The following MYLK4 variants were observed in gnomAD, a reference collection of about 807,000 sequenced individuals.
MYLK4 encodes the protein caMLCK like.
A neutral mutation model predicts 48.1 loss-of-function variants in MYLK4; 46 were observed. The ratio of observed to expected loss-of-function variants is 0.96; its 90% CI spans 0.75 to 1.22. MYLK4 has a LOEUF of 1.22. Among genes scored for constraint, MYLK4 ranks in the 50% most tolerant of loss-of-function variants. The pLI, the probability that MYLK4 is intolerant of heterozygous loss-of-function variation, is 0.00. For missense variants in MYLK4, 451 were observed against 486.1 expected, an observed-to-expected ratio of 0.93 and a Z score of 0.68; for synonymous variants, 170 against 180.8, an observed-to-expected ratio of 0.94 and a Z score of 0.48.
intron 2 of MYLK4, among the ~76,000 whole-genome samples, chr6:2,737,803 G>A (rs1275959847): frequency 6.6e-6 from 1 of 151,976 alleles, no homozygotes; most frequent in Non-Finnish European, 1.5e-5. Context: ...GAAAGATATT[G>A]GGTCACAGAC....
At chr6:2,744,598 A>G (rs1029871392) in intron 2 of MYLK4, among the ~76,000 whole-genome samples, 1 of 152,352 alleles carries the variant, frequency 6.6e-6, no homozygotes, top group South Asian at 2.1e-4. Context: ...CACCAACTGC[A>G]ATCAAAATAG....
chr6:2,692,225 A>G (rs1192946100), intron 3 of MYLK4, among the ~76,000 whole-genome samples: 1 of 152,218 alleles, frequency 6.6e-6, no homozygotes, highest in Non-Finnish European at 1.5e-5. Flanking sequence ...CTCTCTGTGC[A>G]TGAAATGTCT....
chr6:2,725,858 G>T (rs1763253474), intron 2 of MYLK4, among the ~76,000 whole-genome samples: 1 of 152,216 alleles, frequency 6.6e-6, no homozygotes, highest in Admixed American at 6.5e-5. Flanking sequence ...ACACGTGAGT[G>T]CCTCTCACTC....
chr6:2,706,738 T>C (rs1325146564), intron 2 of MYLK4, among the ~76,000 whole-genome samples: 1 of 152,172 alleles, frequency 6.6e-6, no homozygotes, highest in Non-Finnish European at 1.5e-5. Context: ...TGCATTTCCA[T>C]AGGAAGCCAC....
upstream of MYLK4, among the ~76,000 whole-genome samples, chr6:2,753,335 C>T (rs576860603): frequency 2.6e-5 from 4 of 152,230 alleles, no homozygotes; most frequent in South Asian, 4.1e-4. Flanking sequence ...TTCTACACAG[C>T]GTTCTGAATG....
intron 2 of MYLK4, among the ~76,000 whole-genome samples, chr6:2,747,304 C>T (rs112726264): frequency 0.023 from 3,519 of 152,190 alleles, 140 homozygotes; most frequent in African/African-American, 0.08. Flanking sequence ...ACAAAAGTAA[C>T]ATCCCTACAT....
the MYLK4 span, chr6:2,766,346 C>G: frequency 6.2e-7 from 1 of 1,610,458 alleles, no homozygotes. Context: ...TTACTTCGGG[C>G]AGAGCAAGGC....
chr6:2,768,984 C>A, the MYLK4 span: 1 of 1,207,890 alleles, frequency 8.3e-7, no homozygotes, highest in Non-Finnish European at 1.1e-6. Flanking sequence ...GCTTTGTTTA[C>A]AAAGAAGCGT....
rs1170788778 is a variant in MYLK4, at chr6:2,678,321, G to T, written c.939C>A (p.Asn313Lys). The change falls in exon 10 of 13, where the codon AAC (asparagine) becomes AAA (lysine). Residue 313 changes from asparagine (N) to lysine (K), a missense_variant. Asn to Lys is a moderately conservative substitution (Grantham distance 94, BLOSUM62 0). Coordinates refer to ENST00000274643, the MANE Select transcript of MYLK4 (RefSeq NM_001012418.5). ...FLGDNDAETLNNILACRWDLE... is the reference protein window; with the variant it reads ...FLGDNDAETLKNILACRWDLE... ...AGTCCCACCTGCAGGCCAGGATGTT[G>T]TTCAGCGTCTCAGCATCATTGTCAC... 3 of 1,613,928 alleles carry T rather than the reference G, an allele frequency of 1.9e-6. No homozygotes were observed. The African/African-American group carries it at 4.0e-5, about 22-fold the overall frequency.
At position 2,719,690 on chromosome 6, in the gene MYLK4, T is replaced by C. The variant is rs190125309; in HGVS notation, c.160-26831A>G. On this transcript the variant is annotated intron_variant, in intron 2 of 12. Coordinates refer to ENST00000274643, the MANE Select transcript of MYLK4 (RefSeq NM_001012418.5). ...AATTCAAGTTCAGGTAGATTACAAG[T>C]CCATTAAAAAAAAAGTATGAAATTT... Among the ~76,000 whole-genome samples, 561 of 152,048 alleles carry C rather than the reference T, an allele frequency of 3.7e-3. 2 individuals are homozygous for C. The highest frequency in any genetic ancestry group is 0.01 in the Middle Eastern group (3 of 292).
At chr6:2,753,915 C>T (rs1764358965), upstream of MYLK4, among the ~76,000 whole-genome samples, 1 of 150,700 alleles carries the variant, frequency 6.6e-6, no homozygotes, top group Admixed American at 6.6e-5. Flanking sequence ...AATCCTAGCA[C>T]TTTGGGAGGC....
Position 2,740,958 on chromosome 6 carries a change from A to T in MYLK4, c.159+8178T>A, listed in dbSNP as rs186313632. On this transcript the variant is annotated intron_variant, in intron 2 of 12. Transcript: ENST00000274643. Reference sequence around the variant, plus strand: ...ACTTTGGGCCACTTCATTGCAAGAGACTTTAGGTGGTTTTAGATCATACAG... The same window carrying T: ...ACTTTGGGCCACTTCATTGCAAGAGTCTTTAGGTGGTTTTAGATCATACAG... Among the ~76,000 whole-genome samples the T allele has an allele frequency of 2.5e-3, 379 of 152,284 alleles. 2 individuals carry two copies. The highest frequency in any genetic ancestry group is 8.7e-3 in the African/African-American group (361 of 41,554).
At chr6:2,700,120 C>T (rs2113210185) in intron 2 of MYLK4, among the ~76,000 whole-genome samples, 1 of 152,292 alleles carries the variant, frequency 6.6e-6, no homozygotes, top group South Asian at 2.1e-4. Context: ...GCCACCTTAC[C>T]TGTCCTCCCC....
chr6:2,768,345 A>G, the MYLK4 span, among the ~76,000 whole-genome samples: 4 of 152,188 alleles, frequency 2.6e-5, no homozygotes, highest in Admixed American at 2.6e-4. Flanking sequence ...CTCTTTGGTG[A>G]GAGGTCACAG....
chr6:2,757,515 A>T, the MYLK4 span, among the ~76,000 whole-genome samples: 1 of 152,108 alleles, frequency 6.6e-6, no homozygotes, highest in Non-Finnish European at 1.5e-5. Flanking sequence ...ACAAAATATT[A>T]TCTCTGAAGA....
intron 2 of MYLK4, among the ~76,000 whole-genome samples, chr6:2,704,499 A>T (rs574983978): frequency 2.4e-4 from 37 of 152,314 alleles, no homozygotes; most frequent in African/African-American, 7.9e-4. Flanking sequence ...AATTTCTTAG[A>T]CCTACTAAAA....
intron 2 of MYLK4, among the ~76,000 whole-genome samples, chr6:2,705,320 C>T (rs1170895087): frequency 6.6e-6 from 1 of 152,178 alleles, no homozygotes; most frequent in Non-Finnish European, 1.5e-5. Flanking sequence ...TTCCCATTCC[C>T]CTTTCTACAA....
intron 2 of MYLK4, among the ~76,000 whole-genome samples, chr6:2,727,821 C>T (rs1763329157): frequency 6.6e-6 from 1 of 152,062 alleles, no homozygotes; most frequent in Non-Finnish European, 1.5e-5. Flanking sequence ...GTGGCGCATG[C>T]CTGTAATCCC....
the MYLK4 span, among the ~76,000 whole-genome samples, chr6:2,760,968 T>G: frequency 6.6e-6 from 1 of 152,188 alleles, no homozygotes. Context: ...ACTTTTAAGA[T>G]GCTGACTAAA....
Sources: allele counts gnomAD v4.1 joint callset (sites outside exome capture counted in the v4.1 genomes callset), GRCh38; gene constraint gnomAD v4.1.1; transcripts MANE v1.5; gene names NCBI Gene and HGNC (gene_info 2026-07-23, HGNC 2026-07-21).